Variants in PRKCH observed in about 807,000 individuals in gnomAD.
PRKCH encodes protein kinase C eta type.
In PRKCH, 28 loss-of-function variants were observed where a neutral mutation model predicts 82.5. The ratio of observed to expected loss-of-function variants is 0.34; its 90% CI spans 0.25 to 0.47. The LOEUF (loss-of-function observed/expected upper bound fraction) is 0.47, where lower values mean the gene tolerates loss of function less well. PRKCH is among the 20% of genes least tolerant of loss of function. The pLI, the probability that PRKCH is intolerant of heterozygous loss-of-function variation, is 1.00. For missense variants in PRKCH, 705 were observed against 881.8 expected (o/e 0.80, Z 2.54); for synonymous variants, 322 against 327.4 (o/e 0.98, Z 0.18).
In PRKCH at chr14:61,251,008, G is replaced by A. The variant is rs191437855; in HGVS notation, c.-19+63340G>A. The stretch of plus-strand genomic sequence containing the variant: ...AAATATCAGTGTTCAGCCACTGAGA[G>A]GTTTGGAGTAGTCAAAAAGGGATGT... On this transcript the variant is annotated intron_variant, in intron 1 of 3. Transcript: ENST00000555185. Among the ~76,000 whole-genome samples, 435 of 152,296 alleles carry A rather than the reference G, an allele frequency of 2.9e-3. 2 individuals carry two copies. Among genetic ancestry groups the A allele is most frequent in the African/African-American group, 1.0e-2 (414 of 41,552 alleles).
At chr14:61,236,950 T>A (rs1356379014) in intron 1 of PRKCH, among the ~76,000 whole-genome samples, 1 of 152,156 alleles carries the variant, frequency 6.6e-6, no homozygotes, top group Non-Finnish European at 1.5e-5. Context: ...AACCAGCAAC[T>A]CTTGGGGCTG....
chr14:61,272,456 C>T (rs2045166218), intron 1 of PRKCH, among the ~76,000 whole-genome samples: 1 of 143,530 alleles, frequency 7.0e-6, no homozygotes, highest in South Asian at 2.2e-4. Flanking sequence ...CAGGTTCAAG[C>T]GATTCTCCTG....
chr14:61,208,548 A>G (rs1429255911), intron 1 of PRKCH, among the ~76,000 whole-genome samples: 7 of 152,218 alleles, frequency 4.6e-5, no homozygotes, highest in Non-Finnish European at 1.0e-4. Flanking sequence ...TATGAGATTG[A>G]ATTCCTTGAC....
intron 1 of PRKCH, among the ~76,000 whole-genome samples, chr14:61,222,520 A>G (rs2044663445): frequency 6.6e-6 from 1 of 152,204 alleles, no homozygotes; most frequent in Non-Finnish European, 1.5e-5. Flanking sequence ...ATTTGCACAA[A>G]AACACTGTAC....
intron 2 of PRKCH, among the ~76,000 whole-genome samples, chr14:61,429,356 C>T (rs1951956): frequency 0.018 from 2,689 of 152,318 alleles, 33 homozygotes; most frequent in South Asian, 0.05. Flanking sequence ...AGGCAACCTT[C>T]TGTTTCTCAA....
intron 2 of PRKCH, among the ~76,000 whole-genome samples, chr14:61,393,436 G>A (rs769607395): frequency 2.0e-5 from 3 of 152,160 alleles, no homozygotes; most frequent in Admixed American, 6.5e-5. Flanking sequence ...CCGTGGACAT[G>A]GTCTTTGCTC....
intron 9 of PRKCH, among the ~76,000 whole-genome samples, chr14:61,468,486 G>A (rs957987763): frequency 6.6e-6 from 1 of 152,118 alleles, no homozygotes; most frequent in Non-Finnish European, 1.5e-5. Context: ...CTGGATTTTT[G>A]GGGGATTATT....
chr14:61,241,093 C>T (rs1205148291), intron 1 of PRKCH, among the ~76,000 whole-genome samples: 5 of 152,206 alleles, frequency 3.3e-5, no homozygotes, highest in Non-Finnish European at 5.9e-5. Context: ...ATTCCCACAA[C>T]GCCCTCCTTG....
chr14:61,465,786 G>A (rs1275140813), intron 9 of PRKCH, among the ~76,000 whole-genome samples: 2 of 152,170 alleles, frequency 1.3e-5, no homozygotes, highest in Non-Finnish European at 2.9e-5. Context: ...ACTATTTGAT[G>A]AGAATTTTCA....
chr14:61,357,640 G>A (rs1353187435), intron 1 of PRKCH, among the ~76,000 whole-genome samples: 1 of 152,122 alleles, frequency 6.6e-6, no homozygotes, highest in Non-Finnish European at 1.5e-5. Flanking sequence ...AACTCCAGTG[G>A]ACACGCTATA....
intron 9 of PRKCH, among the ~76,000 whole-genome samples, chr14:61,464,376 T>G (rs1566897388): frequency 7.1e-6 from 1 of 140,084 alleles, no homozygotes; most frequent in African/African-American, 2.9e-5. Context: ...TTTTGTTTTG[T>G]TTTTTTTTTT....
At chr14:61,405,285 T>C (rs1881877253) in intron 2 of PRKCH, among the ~76,000 whole-genome samples, 1 of 152,198 alleles carries the variant, frequency 6.6e-6, no homozygotes, top group Admixed American at 6.5e-5. Context: ...GTAATTCAGT[T>C]CTAGTTATGG....
rs1033489356 is a variant in PRKCH at position 61,443,339 on chromosome 14, G to T, written c.578+78G>T. 4.4e-6 allele frequency: 6 copies of T among 1,373,368 alleles called. No individual in the cohort carries two copies. The East Asian group carries it at 1.5e-4, about 34-fold the overall frequency. 85.1% of individuals were successfully genotyped at this position (1,373,368 alleles called of 1,614,324 possible). ...CCTCTGGTTATGTATGACTTCAGCA[G>T]AATGCATGATTATTTAAGAATTCTT... On this transcript the variant is annotated intron_variant, in intron 3 of 13. Coordinates refer to ENST00000332981, the MANE Select transcript of PRKCH (RefSeq NM_006255.5).
chr14:61,450,998 A>G, intron 6 of PRKCH, 27 bp downstream of exon 6: 1 of 1,610,634 alleles, frequency 6.2e-7, no homozygotes, highest in Non-Finnish European at 8.5e-7. Context: ...CTGGGTACCC[A>G]CCTCTTCATG....
intron 1 of PRKCH, among the ~76,000 whole-genome samples, chr14:61,297,743 G>A (rs991939337): frequency 1.3e-5 from 2 of 152,074 alleles, no homozygotes; most frequent in African/African-American, 2.4e-5. Context: ...TGGCTTGCCC[G>A]CCACTCACCT....
At chr14:61,437,966 G>C (rs918747258) in intron 2 of PRKCH, among the ~76,000 whole-genome samples, 1 of 152,030 alleles carries the variant, frequency 6.6e-6, no homozygotes, top group African/African-American at 2.4e-5. Context: ...TAGAACTCTA[G>C]GGTAGTGTGA....
chr14:61,473,440 G>T (rs895383111), intron 9 of PRKCH, among the ~76,000 whole-genome samples: 1 of 152,216 alleles, frequency 6.6e-6, no homozygotes, highest in Non-Finnish European at 1.5e-5. Flanking sequence ...TGCTGGGCCC[G>T]TGATCTGGGA....
intron 10 of PRKCH, among the ~76,000 whole-genome samples, chr14:61,493,178 C>T (rs1030952637): frequency 1.3e-5 from 2 of 152,164 alleles, no homozygotes; most frequent in Admixed American, 1.3e-4. Context: ...ATGACAGTGG[C>T]TTAAGCCAGA....
intron 1 of PRKCH, among the ~76,000 whole-genome samples, chr14:61,201,513 A>G (rs1216943480): frequency 6.6e-6 from 1 of 152,178 alleles, no homozygotes; most frequent in African/African-American, 2.4e-5. Flanking sequence ...AAAGCATGTG[A>G]CTTGATTATA....
Sources: gnomAD v4.1 joint callset for allele counts (sites outside exome capture counted in the v4.1 genomes callset) on GRCh38, gnomAD v4.1.1 for gene constraint, MANE v1.5 for transcripts, NCBI Gene and HGNC (gene_info 2026-07-23, HGNC 2026-07-21) for gene names.